The following CSMD1 variants were observed in gnomAD, a reference collection of about 807,000 sequenced individuals.
The protein encoded by CSMD1 is CUB and sushi domain-containing protein 1.
CSMD1 carries 213 observed loss-of-function variants against 417.5 expected under a neutral mutation model. That is an observed-to-expected ratio of 0.51 (90% confidence interval 0.46 to 0.57). The LOEUF (loss-of-function observed/expected upper bound fraction) is 0.57. Among genes scored for constraint, CSMD1 ranks in the 20% least tolerant of loss-of-function variants. CSMD1 has a pLI of 0.00. For synonymous variants in CSMD1, 2,862 were observed against 1,736.8 expected (o/e 1.65, Z -16.11); for missense variants, 6,923 against 4,529.7 (o/e 1.53, Z -15.17).
At chr8:3,564,051 C>T (rs539398758) in intron 10 of CSMD1, among the ~76,000 whole-genome samples, 9 of 152,140 alleles carry the variant, frequency 5.9e-5, no homozygotes, top group African/African-American at 1.7e-4. Flanking sequence ...TTTGGGGGTA[C>T]ACGTGATATT....
intron 23 of CSMD1, among the ~76,000 whole-genome samples, chr8:3,342,143 G>A (rs79991805): frequency 0.036 from 5,432 of 152,196 alleles, 340 homozygotes; most frequent in African/African-American, 0.12. Context: ...TTATCACAAA[G>A]GTGAAAAACT....
intron 3 of CSMD1, among the ~76,000 whole-genome samples, chr8:4,173,780 G>A (rs555326785): frequency 3.9e-5 from 6 of 152,198 alleles, no homozygotes; most frequent in South Asian, 2.1e-4. Context: ...CTCATTCTAT[G>A]ACTCAAAAGT....
At chr8:4,874,313 A>C (rs1051810657) in intron 1 of CSMD1, among the ~76,000 whole-genome samples, 1 of 151,308 alleles carries the variant, frequency 6.6e-6, no homozygotes, top group African/African-American at 2.4e-5. Flanking sequence ...CAATTAGTTT[A>C]TTTTAATTTG....
intron 23 of CSMD1, among the ~76,000 whole-genome samples, chr8:3,317,927 T>C (rs569118688): frequency 3.6e-4 from 55 of 152,252 alleles, no homozygotes; most frequent in African/African-American, 1.2e-3. Context: ...CCTCCCACCT[T>C]AGCCTATTGA....
intron 1 of CSMD1, among the ~76,000 whole-genome samples, chr8:4,868,922 T>C (rs1331123806): frequency 6.6e-6 from 1 of 152,030 alleles, no homozygotes; most frequent in Non-Finnish European, 1.5e-5. Flanking sequence ...CAATCACTCA[T>C]ATGTGTGTAG....
chr8:4,986,753 T>C (rs916292701), intron 1 of CSMD1, among the ~76,000 whole-genome samples: 2 of 152,156 alleles, frequency 1.3e-5, no homozygotes, highest in Admixed American at 6.5e-5. Context: ...CATTGAATGA[T>C]GGATACCGAT....
chr8:4,247,308 T>C (rs907007191), intron 3 of CSMD1, among the ~76,000 whole-genome samples: 9 of 152,138 alleles, frequency 5.9e-5, no homozygotes, highest in East Asian at 1.9e-4. Context: ...AATTGTCTTC[T>C]CTACCACACT....
chr8:3,747,904 G>C (rs1411133856), intron 6 of CSMD1, among the ~76,000 whole-genome samples: 1 of 152,086 alleles, frequency 6.6e-6, no homozygotes, highest in Non-Finnish European at 1.5e-5. Flanking sequence ...AGTGTGGCGA[G>C]CTCCCTCCCA....
At chr8:3,628,387 G>C (rs10097561) in intron 7 of CSMD1, among the ~76,000 whole-genome samples, 27,792 of 152,168 alleles carry the variant, frequency 0.18, 2,727 homozygotes, top group Admixed American at 0.21. Context: ...CAGAGCACAG[G>C]CCCGTAGTCA....
intron 1 of CSMD1, among the ~76,000 whole-genome samples, chr8:4,952,337 C>A: frequency 1.6e-5 from 1 of 60,996 alleles, no homozygotes; most frequent in African/African-American, 5.4e-5. Context: ...GAAAACAAAC[C>A]CAATAAGTGA....
chr8:4,128,894 C>T (rs1015356248), intron 3 of CSMD1, among the ~76,000 whole-genome samples: 5 of 151,990 alleles, frequency 3.3e-5, no homozygotes, highest in South Asian at 2.1e-4. Context: ...ATTTCTGTCT[C>T]GTACAACTCA....
At chr8:4,847,824 A>G (rs1801235439) in intron 1 of CSMD1, among the ~76,000 whole-genome samples, 1 of 148,762 alleles carries the variant, frequency 6.7e-6, no homozygotes, top group African/African-American at 2.5e-5. Context: ...TCTATACAAT[A>G]TACCTATTTA....
chr8:4,807,378 C>T (rs1018518863), intron 1 of CSMD1, among the ~76,000 whole-genome samples: 17 of 152,138 alleles, frequency 1.1e-4, no homozygotes, highest in African/African-American at 2.4e-5. Context: ...CTGAGCTTCC[C>T]TCACTGCCGG....
intron 5 of CSMD1, among the ~76,000 whole-genome samples, chr8:3,913,353 A>C (rs1250364778): frequency 6.6e-6 from 1 of 152,148 alleles, no homozygotes; most frequent in Non-Finnish European, 1.5e-5. Context: ...CGATATCAGA[A>C]CAGAGGAAGC....
intron 1 of CSMD1, among the ~76,000 whole-genome samples, chr8:4,901,131 G>C (rs575048153): frequency 6.6e-6 from 1 of 152,298 alleles, no homozygotes; most frequent in East Asian, 1.9e-4. Flanking sequence ...CACAGCAATT[G>C]CATGTTCAAA....
intron 49 of CSMD1, among the ~76,000 whole-genome samples, chr8:3,073,074 A>C (rs1215733766): frequency 6.6e-6 from 1 of 152,224 alleles, no homozygotes; most frequent in Non-Finnish European, 1.5e-5. Context: ...CTATTTCTTA[A>C]AGTTAGTTAA....
rs772689753 is a variant in CSMD1 at position 3,396,231 on chromosome 8, G to A, written c.2556C>T (p.Asn852=). The A allele has an allele frequency of 5.7e-6, 9 of 1,572,266 alleles. No homozygotes were observed. Among genetic ancestry groups the A allele is most frequent in the African/African-American group, 4.1e-5 (3 of 74,064 alleles). Residue 852 remains asparagine (N), a synonymous_variant, in exon 17 of 70, where the codon AAC becomes AAT. Coordinates refer to ENST00000635120, the MANE Select transcript of CSMD1 (RefSeq NM_033225.6). ...NFMYLLFTTD[N]SRSSIGFLIH... ...TGAGGAAGCCGATGCTGGAGCGGCT[G>A]TTGTCAGTGGTGAACAGCAGGTACA...
intron 5 of CSMD1, among the ~76,000 whole-genome samples, chr8:3,900,357 G>A (rs942865188): frequency 6.6e-6 from 1 of 151,968 alleles, no homozygotes; most frequent in Non-Finnish European, 1.5e-5. Flanking sequence ...GTAGCTGGTT[G>A]ACAGCACAGC....
At chr8:3,988,801 C>G (rs576995031) in intron 5 of CSMD1, among the ~76,000 whole-genome samples, 5 of 152,258 alleles carry the variant, frequency 3.3e-5, no homozygotes, top group African/African-American at 1.2e-4. Flanking sequence ...AATTATATTT[C>G]CAAACAACAA....
Sources: gnomAD v4.1 joint callset for allele counts (sites outside exome capture counted in the v4.1 genomes callset) on GRCh38, gnomAD v4.1.1 for gene constraint, MANE v1.5 for transcripts, NCBI Gene and HGNC (gene_info 2026-07-23, HGNC 2026-07-21) for gene names.